ELP4: variants seen among roughly 807,000 people sequenced by gnomAD.
ELP4 encodes elongator acetyltransferase complex subunit 4.
Under a neutral mutation model 48.9 loss-of-function variants are expected in ELP4, and 51 were observed. The observed-to-expected ratio is 1.04, with a 90% CI of 0.83 to 1.32. ELP4 has a LOEUF of 1.32. ELP4 is among the 40% of genes most tolerant of loss of function. ELP4 has a pLI of 0.00. For synonymous variants in ELP4, 210 were observed against 189.2 expected (o/e 1.11, Z -0.90); for missense variants, 519 against 514.6 (o/e 1.01, Z -0.08).
At chr11:31,582,442 C>G (rs550987478) in intron 3 of ELP4, among the ~76,000 whole-genome samples, 1 of 152,042 alleles carries the variant, frequency 6.6e-6, no homozygotes, top group Non-Finnish European at 1.5e-5. Flanking sequence ...AATTTCTGCA[C>G]ACTGTTTTTT....
At chr11:31,582,256 A>G (rs2133973729) in intron 3 of ELP4, among the ~76,000 whole-genome samples, 1 of 152,268 alleles carries the variant, frequency 6.6e-6, no homozygotes, top group Admixed American at 6.5e-5. Context: ...AAATATGTTC[A>G]TTTTCTAAGG....
chr11:31,667,363 A>G (rs1476362039), intron 9 of ELP4, among the ~76,000 whole-genome samples: 1 of 152,164 alleles, frequency 6.6e-6, no homozygotes, highest in African/African-American at 2.4e-5. Context: ...CATTCTACAC[A>G]AAGTTTTTCT....
intron 3 of ELP4, among the ~76,000 whole-genome samples, chr11:31,569,283 A>G (rs1181161663): frequency 2.6e-5 from 4 of 152,196 alleles, no homozygotes; most frequent in Non-Finnish European, 4.4e-5. Flanking sequence ...CTGTACCACA[A>G]GAGAAAGTGT....
intron 3 of ELP4, among the ~76,000 whole-genome samples, chr11:31,544,365 G>C (rs968555814): frequency 3.3e-5 from 5 of 152,222 alleles, no homozygotes; most frequent in Non-Finnish European, 5.9e-5. Context: ...ACCTGGCTCG[G>C]AGGGTCCTAC....
At chr11:31,770,836 GAA>G (rs60053913) in intron 9 of ELP4, among the ~76,000 whole-genome samples, 3 of 51,566 alleles carry the variant, frequency 5.8e-5, no homozygotes, top group African/African-American at 1.8e-4. Flanking sequence ...TGTCAAAAAA[GAA>G]AAAAAAAAAA....
At chr11:31,528,974 C>T (rs1053851327) in intron 2 of ELP4, among the ~76,000 whole-genome samples, 7 of 151,440 alleles carry the variant, frequency 4.6e-5, no homozygotes, top group African/African-American at 1.2e-4. Context: ...CTTGTGGATC[C>T]GGAATGGAAC....
chr11:31,772,878 A>G (rs559619651), intron 9 of ELP4, among the ~76,000 whole-genome samples: 1 of 152,372 alleles, frequency 6.6e-6, no homozygotes, highest in African/African-American at 2.4e-5. Flanking sequence ...CCTACTGGCT[A>G]GAAACTGCAA....
At chr11:31,743,630 C>T (rs1475272136) in intron 9 of ELP4, among the ~76,000 whole-genome samples, 1 of 152,106 alleles carries the variant, frequency 6.6e-6, no homozygotes, top group Non-Finnish European at 1.5e-5. Context: ...AACTGAACAA[C>T]CTGCTCCTGA....
chr11:31,630,355 G>T (rs1335347720), intron 6 of ELP4, among the ~76,000 whole-genome samples: 2 of 145,780 alleles, frequency 1.4e-5, no homozygotes, highest in Non-Finnish European at 3.0e-5. Context: ...TTTTAATGGA[G>T]TCTCACTCTG....
intron 3 of ELP4, among the ~76,000 whole-genome samples, chr11:31,591,427 G>C (rs1316998308): frequency 2.1e-5 from 2 of 96,288 alleles, no homozygotes; most frequent in Non-Finnish European, 4.7e-5. Context: ...AAAAAAGGGG[G>C]GGGGGGGGTA....
chr11:31,525,253 TTTA>T, intron 2 of ELP4, among the ~76,000 whole-genome samples: 1 of 152,170 alleles, frequency 6.6e-6, no homozygotes, highest in Non-Finnish European at 1.5e-5. Context: ...CTAAACTTAC[TTTA>T]GAGTAGTAGA....
chr11:31,616,710 C>T (rs1015282840), intron 5 of ELP4, among the ~76,000 whole-genome samples: 3 of 151,928 alleles, frequency 2.0e-5, no homozygotes, highest in Admixed American at 6.6e-5. Context: ...AGAACTCCTA[C>T]GACTTGACAA....
Position 31,789,543 on chromosome 11 carries a change from T to G in ELP4, c.*6019T>G. The stretch of plus-strand genomic sequence containing the variant: ...ATATATCTTGATAAAACTCTTAAAT[T>G]CGTGGCAAAGCTTGTTGATCATGGT... On this transcript the variant is annotated 3_prime_UTR_variant, in exon 10 of 10. Transcript: ENST00000640961. The G allele has an allele frequency of 1.7e-6, 1 of 599,864 alleles. No individual in the cohort carries two copies. Among genetic ancestry groups the G allele is most frequent in the Non-Finnish European group, 2.9e-6 (1 of 341,824 alleles). 37.2% of individuals were successfully genotyped at this position (599,864 alleles called of 1,614,324 possible).
chr11:31,561,346 T>TTCCATCCTGCATGGCAGA (rs1264735977), intron 3 of ELP4, among the ~76,000 whole-genome samples: 11 of 152,336 alleles, frequency 7.2e-5, no homozygotes, highest in Non-Finnish European at 1.0e-4. Flanking sequence ...ATAGAAATAT[T>TTCCATCCTGCATGGCAGA]AATAGATGCC....
In ELP4 at chr11:31,545,686, A is replaced by C. The variant is rs180899226; in HGVS notation, c.381+5903A>C. Among the ~76,000 whole-genome samples, 1,243 of 152,306 alleles carry C rather than the reference A, an allele frequency of 8.2e-3. 21 individuals are homozygous for C. The highest frequency in any genetic ancestry group is 0.031 in the Admixed American group (478 of 15,304). On this transcript the variant is annotated intron_variant, in intron 3 of 9. Coordinates refer to ENST00000640961, the MANE Select transcript of ELP4 (RefSeq NM_019040.5). ...CAACTGCAAGACACGTAATTGTCAG[A>C]TTCATCAAAGTTGAAATGAAGGAAA...
At chr11:31,576,556 G>T (rs1957282901) in intron 3 of ELP4, among the ~76,000 whole-genome samples, 2 of 152,252 alleles carry the variant, frequency 1.3e-5, no homozygotes, top group South Asian at 4.2e-4. Flanking sequence ...GCACTCCTCA[G>T]CAAATGTAAA....
intron 3 of ELP4, among the ~76,000 whole-genome samples, chr11:31,581,995 C>A (rs1957400578): frequency 6.6e-6 from 1 of 152,082 alleles, no homozygotes; most frequent in African/African-American, 2.4e-5. Flanking sequence ...CTCAGGTGAG[C>A]CTTCCGCCTT....
At chr11:31,714,641 A>G in intron 9 of ELP4, 2 of 398,560 alleles carry the variant, frequency 5.0e-6, no homozygotes, top group East Asian at 7.1e-5. Flanking sequence ...GCAGAGGTCC[A>G]AAAAGGGGTC....
intron 5 of ELP4, 57 bp downstream of exon 5, chr11:31,603,964 CT>C: frequency 6.9e-7 from 1 of 1,453,654 alleles, no homozygotes; most frequent in Non-Finnish European, 9.4e-7. Flanking sequence ...GTAGAATGCA[CT>C]TTTACCACAT....
Sources: allele counts gnomAD v4.1 joint callset (sites outside exome capture counted in the v4.1 genomes callset), GRCh38; gene constraint gnomAD v4.1.1; transcripts MANE v1.5; gene names NCBI Gene and HGNC (gene_info 2026-07-23, HGNC 2026-07-21).